Variants in KIN observed in about 807,000 individuals in gnomAD.
KIN encodes Kin17 DNA and RNA binding protein, also known as DNA/RNA-binding protein KIN17.
A neutral mutation model predicts 63.0 loss-of-function variants in KIN; 47 were observed. The ratio of observed to expected loss-of-function variants is 0.75; its 90% CI spans 0.59 to 0.95. KIN has a LOEUF of 0.95. KIN is among the 40% of genes least tolerant of loss of function. KIN has a pLI of 0.00. For missense variants in KIN, 408 were observed against 460.9 expected (o/e 0.89, Z 1.05); for synonymous variants, 160 against 157.7 (o/e 1.01, Z -0.11).
At chr10:7,769,386 C>T (rs778860036) in intron 7 of KIN, 41 bp from the exon 8 acceptor site, 2 of 1,588,528 alleles carry the variant, frequency 1.3e-6, no homozygotes, top group African/African-American at 2.7e-5. Context: ...AAGAACCATA[C>T]ACAGACGAAT....
At chr10:7,779,221 A>G (rs1387976004) in intron 4 of KIN, among the ~76,000 whole-genome samples, 3 of 152,162 alleles carry the variant, frequency 2.0e-5, no homozygotes, top group Non-Finnish European at 2.9e-5. Flanking sequence ...CAGCCTGGCC[A>G]ACATGGTGAA....
chr10:7,757,526 T>TA (rs1564313128), intron 12 of KIN, among the ~76,000 whole-genome samples: 12 of 150,876 alleles, frequency 8.0e-5, no homozygotes, highest in South Asian at 4.2e-4. Context: ...AAAATAAAAT[T>TA]AAATTAAATA....
chr10:7,758,650 A>G (rs1835378626), intron 12 of KIN, among the ~76,000 whole-genome samples: 1 of 150,172 alleles, frequency 6.7e-6, no homozygotes. Context: ...GAAATTAATA[A>G]GGTAAGTTTC....
At position 7,752,266 on chromosome 10, in the gene KIN, C is replaced by T. The variant is rs1285492138; in HGVS notation, c.*3814G>A. On this transcript the variant is annotated 3_prime_UTR_variant, in exon 13 of 13. Coordinates refer to ENST00000379562, the MANE Select transcript of KIN (RefSeq NM_012311.4). The stretch of plus-strand genomic sequence containing the variant: ...ACCCAATTAAATAATGGGCAAAAAA[C>T]CTGAAAGACATCTCACCAGAGAAGA... 2 of 152,098 alleles carry T rather than the reference C, an allele frequency of 1.3e-5. No homozygotes were observed. Among genetic ancestry groups the T allele is most frequent in the Non-Finnish European group, 2.9e-5 (2 of 68,008 alleles). The allele number at this position is 152,098 out of a possible 1,614,324, so 9.4% of individuals were successfully genotyped here.
intron 1 of KIN, among the ~76,000 whole-genome samples, chr10:7,785,813 G>GA (rs68002439): frequency 4.4e-4 from 60 of 135,436 alleles, no homozygotes; most frequent in East Asian, 1.9e-3. Context: ...ACTCTGTCTA[G>GA]AAAAAAAAAA....
intron 4 of KIN, 119 bp from the exon 5 acceptor site, chr10:7,779,138 T>C (rs1325231312): frequency 1.7e-6 from 2 of 1,182,790 alleles, no homozygotes; most frequent in African/African-American, 3.1e-5. Context: ...CCGAGCGCAG[T>C]GGCTTACACC....
At chr10:7,777,053 C>CAAAAAAAAAAAAAAA (rs60757813) in intron 5 of KIN, among the ~76,000 whole-genome samples, 2 of 80,724 alleles carry the variant, frequency 2.5e-5, no homozygotes, top group African/African-American at 9.9e-5. Context: ...GACAGTCTCT[C>CAAAAAAAAAAAAAAA]AAAAAAAAAA....
intron 12 of KIN, among the ~76,000 whole-genome samples, chr10:7,758,278 C>T (rs1245601628): frequency 1.3e-5 from 2 of 152,184 alleles, no homozygotes; most frequent in African/African-American, 4.8e-5. Flanking sequence ...CCATGTTGGC[C>T]GGGCTGGTCT....
rs1018302763 is a variant in KIN at position 7,752,514 on chromosome 10, G to T, written c.*3566C>A. 2 of 152,228 alleles carry T rather than the reference G, an allele frequency of 1.3e-5. No homozygotes were observed. The highest frequency in any genetic ancestry group is 2.9e-5 in the Non-Finnish European group (2 of 68,038). 9.4% of individuals were successfully genotyped at this position (152,228 alleles called of 1,614,324 possible). A position where few individuals can be genotyped will look rare whatever the true frequency, so the allele number is the denominator to read the frequency against. On this transcript the variant is annotated 3_prime_UTR_variant, in exon 13 of 13. Coordinates refer to ENST00000379562, the MANE Select transcript of KIN (RefSeq NM_012311.4). ...TACAGTCACTCTGGAAGACAGGTTG[G>T]TAGTTTCTCAGAAGACTCCTGGCAT...
rs917099933 is a variant in KIN, at chr10:7,753,771, A to T, written c.*2309T>A. 17 of 192,478 alleles carry T rather than the reference A, an allele frequency of 8.8e-5. No homozygotes were observed. Among genetic ancestry groups the T allele is most frequent in the Non-Finnish European group, 6.6e-5 (6 of 91,434 alleles). 11.9% of individuals were successfully genotyped at this position (192,478 alleles called of 1,614,324 possible). A position where few individuals can be genotyped will look rare whatever the true frequency, so the allele number is the denominator to read the frequency against. ...TGTGCTGTCAGGTTACTTTGGAAAA[A>T]CCTTAATTCATCCCTGAGGAACATT... On this transcript the variant is annotated 3_prime_UTR_variant, in exon 13 of 13. Coordinates refer to ENST00000379562, the MANE Select transcript of KIN (RefSeq NM_012311.4).
intron 7 of KIN, among the ~76,000 whole-genome samples, chr10:7,772,703 AT>A (rs1835690912): frequency 1.3e-5 from 2 of 152,256 alleles, no homozygotes; most frequent in Non-Finnish European, 2.9e-5. Flanking sequence ...TCTTATACAA[AT>A]ATTGTTCCTT....
Position 7,774,821 on chromosome 10 carries a change from T to C in KIN, c.668+10A>G. The C allele has an allele frequency of 1.2e-6, 2 of 1,602,854 alleles. No homozygotes were observed. The highest frequency in any genetic ancestry group is 1.1e-5 in the South Asian group (1 of 90,852). ...AATGTTTTAAGATATCCGTGAATGA[T>C]GCAGCTCACCTTGACTTGGAAGATG... On this transcript the variant is annotated intron_variant, in intron 7 of 12. Coordinates refer to ENST00000379562, the MANE Select transcript of KIN (RefSeq NM_012311.4).
At position 7,754,176 on chromosome 10, in the gene KIN, A is replaced by G. The variant is rs769085892; in HGVS notation, c.*1904T>C. ...AAGACCTCATCTCTACTAAAAATCA[A>G]AAAAATTAGCCAGGCATGGTAGTGC... On this transcript the variant is annotated 3_prime_UTR_variant, in exon 13 of 13. Transcript: ENST00000379562. 2.3e-6 allele frequency: 1 copy of G among 442,170 alleles called. No individual in the cohort carries two copies. The highest frequency in any genetic ancestry group is 4.5e-6 in the Non-Finnish European group (1 of 220,958). The allele number at this position is 442,170 out of a possible 1,614,324, so 27.4% of individuals were successfully genotyped here. A position where few individuals can be genotyped will look rare whatever the true frequency, so the allele number is the denominator to read the frequency against.
rs1181484667 is a variant in KIN at position 7,766,065 on chromosome 10, G to A, written c.837C>T (p.Tyr279=). Residue 279 remains tyrosine, a synonymous_variant, in exon 9 of 13, where the codon TAC becomes TAT. Coordinates refer to ENST00000379562, the MANE Select transcript of KIN (RefSeq NM_012311.4). ...ACTGAATACTTACAGGCTGTAGCCA[G>A]TAGTCTGTTCGGGCAGTTCTTTTCT... ...EEKKRTARTD[Y]WLQPEIIVKI... The A allele has an allele frequency of 6.2e-7, 1 of 1,610,554 alleles. No individual in the cohort carries two copies. Among genetic ancestry groups the A allele is most frequent in the African/African-American group, 1.3e-5 (1 of 74,884 alleles).
At chr10:7,759,041 G>T (rs181961153) in intron 12 of KIN, among the ~76,000 whole-genome samples, 2 of 152,148 alleles carry the variant, frequency 1.3e-5, no homozygotes, top group African/African-American at 4.8e-5. Flanking sequence ...TCTCTAACAG[G>T]TCCATGGGCT....
chr10:7,767,344 A>AT (rs2131000269), intron 8 of KIN, among the ~76,000 whole-genome samples: 1 of 152,180 alleles, frequency 6.6e-6, no homozygotes, highest in South Asian at 2.1e-4. Flanking sequence ...GGCACTCAGC[A>AT]TTTTGTGATC....
chr10:7,751,143 G>A lies in KIN; in HGVS notation c.*4937C>T, dbSNP rs573889437. Reference sequence around the variant, plus strand: ...TGCTAAGATGCAAGTCTGAACCAGTGTAATTCTGTGCTTTGCTGTGTTTAC... The same window carrying A: ...TGCTAAGATGCAAGTCTGAACCAGTATAATTCTGTGCTTTGCTGTGTTTAC... On this transcript the variant is annotated 3_prime_UTR_variant, in exon 13 of 13. Transcript: ENST00000379562. 6.6e-6 allele frequency: 1 copy of A among 152,332 alleles called. No individual in the cohort carries two copies. The highest frequency in any genetic ancestry group is 1.9e-4 in the East Asian group (1 of 5,190). 9.4% of individuals were successfully genotyped at this position (152,332 alleles called of 1,614,324 possible). A position where few individuals can be genotyped will look rare whatever the true frequency, so the allele number is the denominator to read the frequency against.
intron 1 of KIN, 54 bp downstream of exon 1, chr10:7,787,766 C>A (rs1836058180): frequency 3.6e-6 from 5 of 1,400,996 alleles, no homozygotes; most frequent in South Asian, 2.3e-5. Context: ...AGGACCTGAT[C>A]CTGGATTGCC....
chr10:7,776,446 C>A (rs971564098), intron 5 of KIN, among the ~76,000 whole-genome samples: 13 of 149,138 alleles, frequency 8.7e-5, no homozygotes, highest in African/African-American at 3.2e-4. Flanking sequence ...GGAGGCTGAG[C>A]CAGGAGAATC....
Sources: gnomAD v4.1 joint callset for allele counts (sites outside exome capture counted in the v4.1 genomes callset) on GRCh38, gnomAD v4.1.1 for gene constraint, MANE v1.5 for transcripts, NCBI Gene and HGNC (gene_info 2026-07-23, HGNC 2026-07-21) for gene names.